The following TMTC1 variants were observed in gnomAD, a reference collection of about 807,000 sequenced individuals.
TMTC1 encodes protein O-mannosyl-transferase TMTC1.
TMTC1 carries 73 observed loss-of-function variants against 104.8 expected under a neutral mutation model. The observed-to-expected ratio is 0.70, with a 90% CI of 0.58 to 0.85. The LOEUF is 0.85. Among genes scored for constraint, TMTC1 ranks in the 40% least tolerant of loss-of-function variants. TMTC1 has a pLI of 0.00. For synonymous variants in TMTC1, 434 were observed against 428.7 expected, an observed-to-expected ratio of 1.01 and a Z score of -0.15; for missense variants, 1,035 against 1,096.1, an observed-to-expected ratio of 0.94 and a Z score of 0.79.
At chr12:29,757,511 G>C (rs1006026756) in intron 3 of TMTC1, among the ~76,000 whole-genome samples, 2 of 152,206 alleles carry the variant, frequency 1.3e-5, no homozygotes, top group African/African-American at 4.8e-5. Flanking sequence ...GTTTAGAACA[G>C]TGTTCCTCAG....
At chr12:29,662,267 C>T (rs886131664) in intron 5 of TMTC1, among the ~76,000 whole-genome samples, 10 of 152,252 alleles carry the variant, frequency 6.6e-5, no homozygotes, top group African/African-American at 1.9e-4. Flanking sequence ...GGTCTCTTTA[C>T]ACAAAGGTAA....
At chr12:29,524,937 G>A (rs1944292914) in intron 11 of TMTC1, among the ~76,000 whole-genome samples, 1 of 152,120 alleles carries the variant, frequency 6.6e-6, no homozygotes, top group South Asian at 2.1e-4. Context: ...AGAGGTAAGA[G>A]TCTGATGATA....
chr12:29,557,585 A>G (rs1279456009), intron 9 of TMTC1, among the ~76,000 whole-genome samples: 2 of 152,146 alleles, frequency 1.3e-5, no homozygotes, highest in Non-Finnish European at 2.9e-5. Flanking sequence ...AAGTAGCTGG[A>G]ATTACAGGCG....
intron 5 of TMTC1, among the ~76,000 whole-genome samples, chr12:29,689,030 C>T (rs1941183123): frequency 6.6e-6 from 1 of 152,134 alleles, no homozygotes; most frequent in African/African-American, 2.4e-5. Flanking sequence ...GTCTTCAACC[C>T]TATTTACTTC....
chr12:29,540,046 G>C (rs1944753172), intron 10 of TMTC1, among the ~76,000 whole-genome samples: 1 of 152,058 alleles, frequency 6.6e-6, no homozygotes, highest in African/African-American at 2.4e-5. Context: ...TCACCTTTCT[G>C]ATATTTCAGT....
At chr12:29,770,946 T>G (rs537728427) in intron 1 of TMTC1, among the ~76,000 whole-genome samples, 2 of 152,262 alleles carry the variant, frequency 1.3e-5, no homozygotes, top group South Asian at 4.2e-4. Context: ...CATCACATCT[T>G]TATTTTAACA....
chr12:29,642,497 T>C (rs2136546335), intron 5 of TMTC1, among the ~76,000 whole-genome samples: 1 of 152,136 alleles, frequency 6.6e-6, no homozygotes, highest in South Asian at 2.1e-4. Flanking sequence ...AAACTAAGTA[T>C]CATATATGAA....
chr12:29,714,082 T>G (rs1300655151), intron 5 of TMTC1, among the ~76,000 whole-genome samples: 2 of 152,230 alleles, frequency 1.3e-5, no homozygotes, highest in African/African-American at 4.8e-5. Flanking sequence ...CACCTTGATC[T>G]TGGACTTCCC....
At chr12:29,619,529 G>GTTGTTCCA (rs966646473) in intron 6 of TMTC1, among the ~76,000 whole-genome samples, 1 of 152,208 alleles carries the variant, frequency 6.6e-6, no homozygotes, top group African/African-American at 2.4e-5. Flanking sequence ...TAGTGTCCAC[G>GTTGTTCCA]TTGTTCCAAC....
intron 5 of TMTC1, among the ~76,000 whole-genome samples, chr12:29,655,751 C>T (rs1939724440): frequency 6.6e-6 from 1 of 152,072 alleles, no homozygotes; most frequent in Non-Finnish European, 1.5e-5. Context: ...TCTCACAAGT[C>T]AAGTCCTTTG....
intron 2 of TMTC1, among the ~76,000 whole-genome samples, chr12:29,765,159 T>C (rs982901624): frequency 6.6e-6 from 1 of 152,220 alleles, no homozygotes; most frequent in Admixed American, 6.5e-5. Flanking sequence ...CTTCATATTT[T>C]ATCCAAAAAG....
At chr12:29,641,099 A>G (rs1938826493) in intron 5 of TMTC1, 1 of 152,190 alleles carries the variant, frequency 6.6e-6, no homozygotes. Context: ...CCGCCCAAGG[A>G]GGGTCTGAGC....
chr12:29,522,837 A>G (rs1944217784), intron 11 of TMTC1, among the ~76,000 whole-genome samples: 2 of 152,194 alleles, frequency 1.3e-5, no homozygotes, highest in Non-Finnish European at 2.9e-5. Flanking sequence ...AATCAGGGAC[A>G]ACAATCATAC....
At chr12:29,776,955 TGGA>T (rs1943723779) in intron 1 of TMTC1, among the ~76,000 whole-genome samples, 1 of 151,912 alleles carries the variant, frequency 6.6e-6, no homozygotes, top group Non-Finnish European at 1.5e-5. Flanking sequence ...GAGAATGAGG[TGGA>T]GATTGGTAGA....
intron 5 of TMTC1, among the ~76,000 whole-genome samples, chr12:29,729,149 G>A (rs528762879): frequency 2.0e-5 from 3 of 151,734 alleles, no homozygotes; most frequent in East Asian, 1.9e-4. Context: ...TAAACTCTCC[G>A]TCTCTCAGCT....
chr12:29,726,095 C>T (rs1245096525), intron 5 of TMTC1, among the ~76,000 whole-genome samples: 2 of 152,176 alleles, frequency 1.3e-5, no homozygotes, highest in Non-Finnish European at 2.9e-5. Flanking sequence ...AAAACATACA[C>T]CGTGTTCTGG....
At chr12:29,688,503 G>A (rs1264491834) in intron 5 of TMTC1, among the ~76,000 whole-genome samples, 1 of 152,028 alleles carries the variant, frequency 6.6e-6, no homozygotes, top group African/African-American at 2.4e-5. Context: ...TGCCACCATG[G>A]GGCATCACTG....
At chr12:29,770,949 T>C (rs1306103628) in intron 1 of TMTC1, among the ~76,000 whole-genome samples, 1 of 152,148 alleles carries the variant, frequency 6.6e-6, no homozygotes, top group Admixed American at 6.5e-5. Flanking sequence ...CACATCTTTA[T>C]TTTAACAAAG....
chr12:29,621,230 T>G (rs1006956682), intron 6 of TMTC1, among the ~76,000 whole-genome samples: 3 of 152,254 alleles, frequency 2.0e-5, no homozygotes, highest in African/African-American at 7.2e-5. Context: ...TACCATTCAG[T>G]ATATTAAAAC....
Sources: gnomAD v4.1 joint callset for allele counts (sites outside exome capture counted in the v4.1 genomes callset) on GRCh38, gnomAD v4.1.1 for gene constraint, MANE v1.5 for transcripts, NCBI Gene and HGNC (gene_info 2026-07-23, HGNC 2026-07-21) for gene names.